The following VAMP7 variants were observed in gnomAD, a reference collection of about 807,000 sequenced individuals.
VAMP7 encodes vesicle associated membrane protein 7, also known as vesicle-associated membrane protein 7.
A neutral mutation model predicts 29.6 loss-of-function variants in VAMP7; 14 were observed. The observed-to-expected ratio is 0.47, with a 90% confidence interval of 0.31 to 0.74. The LOEUF (loss-of-function observed/expected upper bound fraction) is 0.74. VAMP7 is among the 30% of genes least tolerant of loss of function. The pLI is 0.05. For missense variants in VAMP7, 223 were observed against 262.4 expected (o/e 0.85, Z 1.04); for synonymous variants, 95 against 88.1 (o/e 1.08, Z -0.44).
intron 5 of VAMP7, among the ~76,000 whole-genome samples, chrX:155,907,322 C>T (rs762163424): frequency 9.2e-5 from 14 of 151,576 alleles, no homozygotes; most frequent in East Asian, 1.9e-4. Flanking sequence ...TTCTCACAGA[C>T]GGGGATTTGG....
At chrX:155,892,189 C>T (rs2065932699) in intron 2 of VAMP7, among the ~76,000 whole-genome samples, 1 of 152,108 alleles carries the variant, frequency 6.6e-6, no homozygotes. Flanking sequence ...TGTGTTATTT[C>T]GAGCTTTGGT....
At chrX:155,916,429 C>T (rs1485070779) in intron 5 of VAMP7, among the ~76,000 whole-genome samples, 4 of 151,938 alleles carry the variant, frequency 2.6e-5, no homozygotes, top group African/African-American at 4.8e-5. Flanking sequence ...GCTTGTTAGT[C>T]GATATAGTTT....
chrX:155,928,986 T>A (rs2066509931), intron 6 of VAMP7, among the ~76,000 whole-genome samples: 1 of 152,256 alleles, frequency 6.6e-6, no homozygotes. Flanking sequence ...TCACACATTT[T>A]CTTCATATGA....
intron 6 of VAMP7, among the ~76,000 whole-genome samples, chrX:155,924,888 T>C (rs141522855): frequency 1.3e-5 from 2 of 152,240 alleles, no homozygotes; most frequent in Non-Finnish European, 2.9e-5. Flanking sequence ...CTGCTACTGC[T>C]TTATCAGCTG....
chrX:155,907,518 A>G (rs1262882119), intron 5 of VAMP7, among the ~76,000 whole-genome samples: 2 of 91,846 alleles, frequency 2.2e-5, no homozygotes, highest in East Asian at 7.6e-4. Flanking sequence ...AACAAAGCAC[A>G]TCTTGCACCG....
intron 6 of VAMP7, among the ~76,000 whole-genome samples, chrX:155,927,342 C>T (rs1240304510): frequency 6.7e-6 from 1 of 149,142 alleles, no homozygotes. Flanking sequence ...ACGTTCTGCA[C>T]ATGTATCCTA....
intron 5 of VAMP7, among the ~76,000 whole-genome samples, chrX:155,904,006 C>T (rs2066109237): frequency 6.6e-6 from 1 of 151,828 alleles, no homozygotes; most frequent in South Asian, 2.1e-4. Flanking sequence ...ACATATACAC[C>T]ATGGAATACT....
intron 6 of VAMP7, among the ~76,000 whole-genome samples, chrX:155,929,908 A>G (rs1653781896): frequency 6.6e-6 from 1 of 152,178 alleles, no homozygotes; most frequent in African/African-American, 2.4e-5. Flanking sequence ...CAGATTTGAT[A>G]GTTCATTAGA....
intron 4 of VAMP7, among the ~76,000 whole-genome samples, chrX:155,898,615 A>T (rs1228606969): frequency 2.6e-5 from 4 of 152,008 alleles, no homozygotes; most frequent in African/African-American, 9.7e-5. Flanking sequence ...TAACAACCCA[A>T]ATTAATAATT....
intron 2 of VAMP7, among the ~76,000 whole-genome samples, chrX:155,894,702 A>T (rs181368237): frequency 2.3e-3 from 354 of 151,754 alleles, no homozygotes; most frequent in African/African-American, 8.3e-3. Flanking sequence ...TACAGCCTCA[A>T]CCTCCTGGGT....
intron 6 of VAMP7, among the ~76,000 whole-genome samples, chrX:155,933,524 G>C (rs774302264): frequency 2.6e-4 from 39 of 152,266 alleles, no homozygotes; most frequent in African/African-American, 9.4e-4. Context: ...ATGGTAGTTT[G>C]TATTTCTGTG....
chrX:155,899,764 T>C (rs1224168688), intron 4 of VAMP7, among the ~76,000 whole-genome samples: 1 of 152,044 alleles, frequency 6.6e-6, no homozygotes, highest in Non-Finnish European at 1.5e-5. Flanking sequence ...ATTAACCAAT[T>C]TGTCATTAGC....
At chrX:155,890,037 G>A (rs1441178245) in intron 2 of VAMP7, among the ~76,000 whole-genome samples, 3 of 152,026 alleles carry the variant, frequency 2.0e-5, no homozygotes, top group Non-Finnish European at 2.9e-5. Context: ...ATAGTTTAAT[G>A]AGGGAGAAAG....
chrX:155,896,053 C>CT (rs2065983317), intron 3 of VAMP7, among the ~76,000 whole-genome samples: 1 of 152,174 alleles, frequency 6.6e-6, no homozygotes, highest in Admixed American at 6.5e-5. Context: ...TTCTACAAAA[C>CT]CGGTCCCTGG....
At chrX:155,925,098 A>G (rs1164061529) in intron 6 of VAMP7, among the ~76,000 whole-genome samples, 1 of 152,092 alleles carries the variant, frequency 6.6e-6, no homozygotes, top group Non-Finnish European at 1.5e-5. Flanking sequence ...GTTCTCTTCT[A>G]TTTCTACCAC....
intron 6 of VAMP7, among the ~76,000 whole-genome samples, chrX:155,933,497 G>T (rs2066596848): frequency 6.6e-6 from 1 of 152,196 alleles, no homozygotes; most frequent in Non-Finnish European, 1.5e-5. Flanking sequence ...GTGTAGAGGT[G>T]TTTGTAGTAT....
At chrX:155,934,299 GT>G (rs2066612317) in intron 6 of VAMP7, among the ~76,000 whole-genome samples, 1 of 152,152 alleles carries the variant, frequency 6.6e-6, no homozygotes, top group African/African-American at 2.4e-5. Flanking sequence ...TGACAGTGGG[GT>G]GTTAAAGTCT....
intron 6 of VAMP7, among the ~76,000 whole-genome samples, chrX:155,936,151 C>T (rs1297345141): frequency 2.0e-5 from 3 of 152,102 alleles, no homozygotes; most frequent in African/African-American, 7.2e-5. Context: ...GGGTCAGGGA[C>T]CCACTTGAGG....
intron 5 of VAMP7, among the ~76,000 whole-genome samples, chrX:155,918,042 G>A (rs1279699283): frequency 6.6e-6 from 1 of 152,156 alleles, no homozygotes; most frequent in African/African-American, 2.4e-5. Context: ...TCTGGCTACA[G>A]GGACTTTGCG....
Sources: gnomAD v4.1 joint callset for allele counts (sites outside exome capture counted in the v4.1 genomes callset) on GRCh38, gnomAD v4.1.1 for gene constraint, MANE v1.5 for transcripts, NCBI Gene and HGNC (gene_info 2026-07-23, HGNC 2026-07-21) for gene names.